The following TLR2 variants were observed in gnomAD, a reference collection of about 807,000 sequenced individuals.
The protein encoded by TLR2 is toll like receptor 2.
In TLR2, 7 loss-of-function variants were observed where a neutral mutation model predicts 9.1. The ratio of observed to expected loss-of-function variants is 0.77; its 90% CI spans 0.44 to 1.44. The LOEUF is 1.44. TLR2 is among the 40% of genes most tolerant of loss of function. TLR2 has a pLI of 0.01. For missense variants in TLR2, 812 were observed against 904.6 expected (o/e 0.90, Z 1.31); for synonymous variants, 317 against 344.6 (o/e 0.92, Z 0.89).
chr4:153,706,983 G>T (rs981499125), downstream of TLR2, among the ~76,000 whole-genome samples: 4 of 152,092 alleles, frequency 2.6e-5, no homozygotes, highest in Non-Finnish European at 5.9e-5. Context: ...GGGCACTATG[G>T]GTTCGTGTGT....
chr4:153,684,879 C>G (rs1020123559), intron 1 of TLR2, among the ~76,000 whole-genome samples: 3 of 150,754 alleles, frequency 2.0e-5, no homozygotes, highest in Non-Finnish European at 4.4e-5. Flanking sequence ...TTCCCTGATT[C>G]CCGGTAGGGT....
At chr4:153,693,188 G>A (rs1401704660) in intron 2 of TLR2, among the ~76,000 whole-genome samples, 1 of 152,164 alleles carries the variant, frequency 6.6e-6, no homozygotes, top group Admixed American at 6.5e-5. Flanking sequence ...ACTCCTGTTT[G>A]TACTTGCACG....
rs762610616 is a variant in TLR2 at position 153,705,075 on chromosome 4, G to A, written c.2168G>A (p.Arg723His). The A allele has an allele frequency of 2.4e-5, 39 of 1,613,908 alleles. No individual in the cohort carries two copies. Among genetic ancestry groups the A allele is most frequent in the East Asian group, 4.5e-5 (2 of 44,884 alleles). Residue 723 changes from arginine (R) to histidine (H), a missense_variant, in exon 3 of 3, where the codon CGT (arginine) becomes CAT (histidine). Arg to His is a conservative substitution (Grantham distance 29). Coordinates refer to ENST00000642700, the MANE Select transcript of TLR2 (RefSeq NM_001318789.2). ...TATGAACTGGACTTCTCCCATTTCCGTCTTTTTGATGAGAACAATGATGCT... is the reference window on the plus strand; with the variant it reads ...TATGAACTGGACTTCTCCCATTTCCATCTTTTTGATGAGAACAATGATGCT... ...CKYELDFSHFRLFDENNDAAI... is the reference protein window; with the variant it reads ...CKYELDFSHFHLFDENNDAAI...
downstream of TLR2, among the ~76,000 whole-genome samples, chr4:153,707,270 T>TA (rs1156938798): frequency 2.0e-5 from 3 of 151,768 alleles, no homozygotes; most frequent in African/African-American, 4.8e-5. Context: ...TAGCCAGCCT[T>TA]AAAAAAAATC....
At position 153,705,722 on chromosome 4, in the gene TLR2, TTTATA is replaced by T. The variant is rs1279253325; in HGVS notation, c.*465_*469del. On this transcript the variant is annotated 3_prime_UTR_variant, in exon 3 of 3. Coordinates refer to ENST00000642700, the MANE Select transcript of TLR2 (RefSeq NM_001318789.2). ...TGTAAATAGTTGTACTGTCTTTTTATTTATATTATTATTGTTATTTTTTATTTTCA... is the reference window on the plus strand; with the variant it reads ...TGTAAATAGTTGTACTGTCTTTTTATTTATTATTGTTATTTTTTATTTTCA... The T allele has an allele frequency of 6.0e-6, 1 of 166,902 alleles. No individual in the cohort carries two copies. Among genetic ancestry groups the T allele is most frequent in the African/African-American group, 2.4e-5 (1 of 41,438 alleles). The allele number at this position is 166,902 out of a possible 1,614,324, so 10.3% of individuals were successfully genotyped here.
chr4:153,699,150 C>A lies in TLR2; in HGVS notation c.-16-3742C>A, dbSNP rs185161834. ...ACTACTATTGCTTCCCCGTTGATGACCCCTGTAGCACACAGTGTCCCACAG... is the reference window on the plus strand; with the variant it reads ...ACTACTATTGCTTCCCCGTTGATGAACCCTGTAGCACACAGTGTCCCACAG... On this transcript the variant is annotated intron_variant, in intron 2 of 2. Transcript: ENST00000642700. Among the ~76,000 whole-genome samples, 507 of 152,264 alleles carry A rather than the reference C, an allele frequency of 3.3e-3. 2 individuals are homozygous for A. Among genetic ancestry groups the A allele is most frequent in the African/African-American group, 0.012 (484 of 41,558 alleles).
chr4:153,687,583 A>G (rs1735796977), intron 1 of TLR2, among the ~76,000 whole-genome samples: 1 of 73,876 alleles, frequency 1.4e-5, no homozygotes, highest in Non-Finnish European at 2.8e-5. Context: ...ACAAACTGAA[A>G]CCTAACTTAG....
In TLR2 at chr4:153,704,136, T is replaced by C. The variant is rs1319049779; in HGVS notation, c.1229T>C (p.Leu410Pro). 6.2e-7 allele frequency: 1 copy of C among 1,613,718 alleles called. No individual in the cohort carries two copies. The highest frequency in any genetic ancestry group is 8.5e-7 in the Non-Finnish European group (1 of 1,179,940). Residue 410 changes from leucine (L) to proline (P), a missense_variant, in exon 3 of 3, where the codon CTC becomes CCC. Transcript: ENST00000642700. ...TTGGAAAAAACCGGAGAGACTTTGC[T>C]CACTCTGAAAAACTTGACTAACATT... ...ASLEKTGETL[L>P]TLKNLTNIDI...
chr4:153,704,695 T>C lies in TLR2; in HGVS notation c.1788T>C (p.Cys596=). 6.2e-7 allele frequency: 1 copy of C among 1,613,970 alleles called. No homozygotes were observed. Among genetic ancestry groups the C allele is most frequent in the Non-Finnish European group, 8.5e-7 (1 of 1,179,992 alleles). Residue 596 remains cysteine (C), a synonymous_variant, in exon 3 of 3, where the codon TGT becomes TGC. Transcript: ENST00000642700. ...CAGCACTGGTGTCTGGCATGTGCTG[T>C]GCTCTGTTCCTGCTGATCCTGCTCA... The part of the protein sequence containing the change: ...HRTALVSGMC[C]ALFLLILLTG...
intron 2 of TLR2, among the ~76,000 whole-genome samples, chr4:153,697,996 T>C (rs1258300736): frequency 6.6e-6 from 1 of 152,188 alleles, no homozygotes; most frequent in Non-Finnish European, 1.5e-5. Flanking sequence ...TTAAGCTTTG[T>C]CATCTACAAA....
At position 153,703,108 on chromosome 4, in the gene TLR2, TA is replaced by T; in HGVS notation, c.202del (p.Ser68AlafsTer9). On this transcript the variant is annotated frameshift_variant, in exon 3 of 3. Coordinates refer to ENST00000642700, the MANE Select transcript of TLR2 (RefSeq NM_001318789.2). LOFTEE classifies it low-confidence loss of function (END_TRUNC). ...TGTCCAACAACAGGATCACCTACAT[TA>T]GCAACAGTGACCTACAGAGGTGTGT... is the stretch of plus-strand genomic sequence containing the variant. ...DLSNNRITYI[S>X]NSDLQRCVNL... is the part of the protein sequence containing the mutation. 1 of 1,614,114 alleles carries T rather than the reference TA, an allele frequency of 6.2e-7. No homozygotes were observed. Among genetic ancestry groups the T allele is most frequent in the Non-Finnish European group, 8.5e-7 (1 of 1,180,002 alleles).
chr4:153,696,730 G>A (rs1736526984), intron 2 of TLR2, among the ~76,000 whole-genome samples: 1 of 152,096 alleles, frequency 6.6e-6, no homozygotes, highest in Non-Finnish European at 1.5e-5. Flanking sequence ...ACAATTGTTT[G>A]CTTTATAGTT....
chr4:153,696,496 G>C (rs1736504766), intron 2 of TLR2, among the ~76,000 whole-genome samples: 2 of 152,098 alleles, frequency 1.3e-5, no homozygotes, highest in African/African-American at 4.8e-5. Context: ...TTCTTTTTCA[G>C]ATTGTTCACT....
Position 153,704,378 on chromosome 4 carries a change from A to T in TLR2, c.1471A>T (p.Thr491Ser). Residue 491 changes from threonine (T) to serine (S), a missense_variant, in exon 3 of 3, where the codon ACT becomes TCT. Transcript: ENST00000642700. ...ELYISRNKLM[T>S]LPDASLLPML... ...TTATATTTCCAGAAATAAGTTGATGACTCTACCAGATGCCTCCCTCTTACC... is the reference window on the plus strand; with the variant it reads ...TTATATTTCCAGAAATAAGTTGATGTCTCTACCAGATGCCTCCCTCTTACC... 1 of 1,614,030 alleles carries T rather than the reference A, an allele frequency of 6.2e-7. No individual in the cohort carries two copies. Among genetic ancestry groups the T allele is most frequent in the Non-Finnish European group, 8.5e-7 (1 of 1,180,014 alleles).
chr4:153,705,424 G>T lies in TLR2; in HGVS notation c.*162G>T. 2.6e-6 allele frequency: 2 copies of T among 759,490 alleles called. No homozygotes were observed. The highest frequency in any genetic ancestry group is 4.0e-6 in the Non-Finnish European group (2 of 505,702). The allele number at this position is 759,490 out of a possible 1,614,324, so 47.0% of individuals were successfully genotyped here. A position where few individuals can be genotyped will look rare whatever the true frequency, so the allele number is the denominator to read the frequency against. On this transcript the variant is annotated 3_prime_UTR_variant, in exon 3 of 3. Coordinates refer to ENST00000642700, the MANE Select transcript of TLR2 (RefSeq NM_001318789.2). ...AACTTCAAATTTTGTCTGGGGTGCT[G>T]TTTTATAAACATATGCCAGATTTAA... is the stretch of plus-strand genomic sequence containing the variant.
chr4:153,702,762 TTGTGTGTGTGTGTGTGTG>T (rs141605367), intron 2 of TLR2, 112 bp from the exon 3 acceptor site: 41,087 of 416,734 alleles, frequency 0.099, 828 homozygotes, highest in East Asian at 0.29. Flanking sequence ...CTCTCTCTCT[TTGTGTGTGTGTGTGTGTG>T]TGTGTGTGTG....
intron 2 of TLR2, among the ~76,000 whole-genome samples, chr4:153,691,756 T>C (rs546954735): frequency 6.6e-6 from 1 of 152,344 alleles, no homozygotes; most frequent in East Asian, 1.9e-4. Flanking sequence ...TAGTAATTTT[T>C]GAAAGTCATT....
intron 2 of TLR2, among the ~76,000 whole-genome samples, chr4:153,701,316 C>A (rs182149692): frequency 5.3e-5 from 8 of 152,184 alleles, no homozygotes; most frequent in Non-Finnish European, 8.8e-5. Flanking sequence ...AATGTAGTGC[C>A]CCCTTGCCCT....
At chr4:153,702,719 C>A in intron 2 of TLR2, 173 bp from the exon 3 acceptor site, 2 of 610,870 alleles carry the variant, frequency 3.3e-6, no homozygotes, top group Non-Finnish European at 2.8e-6. Flanking sequence ...TTTTTTATCC[C>A]CATTCATTCG....
Sources: allele counts gnomAD v4.1 joint callset (sites outside exome capture counted in the v4.1 genomes callset), GRCh38; gene constraint gnomAD v4.1.1; transcripts MANE v1.5; gene names NCBI Gene and HGNC (gene_info 2026-07-23, HGNC 2026-07-21).